Variants in SYT1 observed in about 807,000 individuals in gnomAD.
SYT1 encodes synaptotagmin-1.
In SYT1, 8 loss-of-function variants were observed where a neutral mutation model predicts 44.8. The ratio of observed to expected loss-of-function variants is 0.18; its 90% CI spans 0.10 to 0.32. SYT1 has a LOEUF of 0.32. SYT1 is among the 10% of genes least tolerant of loss of function. SYT1 has a pLI of 1.00. For synonymous variants in SYT1, 154 were observed against 188.8 expected (o/e 0.82, Z 1.51); for missense variants, 286 against 509.3 (o/e 0.56, Z 4.22).
intron 3 of SYT1, among the ~76,000 whole-genome samples, chr12:79,178,032 C>CAGAAAA (rs1872006935): frequency 6.6e-6 from 1 of 151,560 alleles, no homozygotes; most frequent in Non-Finnish European, 1.5e-5. Flanking sequence ...TTTTGCTGTG[C>CAGAAAA]AGAAGCTCTT....
intron 3 of SYT1, among the ~76,000 whole-genome samples, chr12:79,198,644 CT>C (rs1339643525): frequency 6.6e-6 from 1 of 152,078 alleles, no homozygotes; most frequent in Non-Finnish European, 1.5e-5. Context: ...TTGAACATTA[CT>C]TTTATATGAG....
At chr12:79,232,970 T>C (rs955817002) in intron 4 of SYT1, among the ~76,000 whole-genome samples, 22 of 152,320 alleles carry the variant, frequency 1.4e-4, no homozygotes, top group African/African-American at 5.1e-4. Context: ...CAATACATCT[T>C]TGCTTTTTCT....
chr12:79,166,851 C>CT (rs1487973806), intron 3 of SYT1, among the ~76,000 whole-genome samples: 12 of 151,988 alleles, frequency 7.9e-5, no homozygotes, highest in Non-Finnish European at 1.6e-4. Flanking sequence ...CTCAGTTTTG[C>CT]TAGCCATGTT....
chr12:79,205,406 C>T (rs956021334), intron 3 of SYT1, among the ~76,000 whole-genome samples: 68 of 152,308 alleles, frequency 4.5e-4, no homozygotes, highest in African/African-American at 1.5e-3. Flanking sequence ...AAAAATTCTA[C>T]ATTATTCAGT....
In SYT1 at chr12:79,449,962, A is replaced by ATTTGT. The variant is rs1870961382; in HGVS notation, c.*841_*845dup. 1 of 128,764 alleles carries ATTTGT rather than the reference A, an allele frequency of 7.8e-6. No individual in the cohort carries two copies. The highest frequency in any genetic ancestry group is 1.7e-5 in the Non-Finnish European group (1 of 58,240). The allele number at this position is 128,764 out of a possible 1,614,324, so 8.0% of individuals were successfully genotyped here. On this transcript the variant is annotated 3_prime_UTR_variant, in exon 11 of 11. Transcript: ENST00000261205. ...TGTGTGTGTGTGTGTGTGTGTGCAC[A>ATTTGT]TTTGTTTGGGGATGGGGGAGAAGAA...
At chr12:79,091,243 T>C (rs927362073) in intron 3 of SYT1, among the ~76,000 whole-genome samples, 2 of 151,952 alleles carry the variant, frequency 1.3e-5, no homozygotes, top group African/African-American at 2.4e-5. Context: ...GCTTTAGACA[T>C]TTTGAGATAA....
intron 9 of SYT1, among the ~76,000 whole-genome samples, chr12:79,428,549 CAG>C (rs775492668): frequency 9.9e-5 from 15 of 152,150 alleles, no homozygotes; most frequent in Non-Finnish European, 2.1e-4. Flanking sequence ...TACATACAGG[CAG>C]AGTGTCCTCA....
chr12:79,282,805 C>G (rs1879118382), intron 4 of SYT1, among the ~76,000 whole-genome samples: 1 of 151,892 alleles, frequency 6.6e-6, no homozygotes, highest in African/African-American at 2.4e-5. Context: ...TGCAGTGATA[C>G]TGAACAAAAC....
intron 2 of SYT1, among the ~76,000 whole-genome samples, chr12:79,002,417 A>G (rs1232928377): frequency 1.3e-5 from 2 of 152,074 alleles, no homozygotes; most frequent in African/African-American, 4.8e-5. Context: ...TGATTTCAAC[A>G]TGAAATATTC....
intron 3 of SYT1, among the ~76,000 whole-genome samples, chr12:79,097,380 T>C (rs1878196338): frequency 1.3e-5 from 2 of 152,004 alleles, no homozygotes; most frequent in African/African-American, 4.8e-5. Context: ...TTGGTTTAAA[T>C]AATTAAAATA....
At chr12:79,059,422 A>G (rs888279315) in intron 3 of SYT1, among the ~76,000 whole-genome samples, 5 of 152,236 alleles carry the variant, frequency 3.3e-5, no homozygotes, top group East Asian at 1.9e-4. Flanking sequence ...ATTCTTTTCA[A>G]TACCTCAAAT....
chr12:79,337,421 G>A (rs1030477150), intron 8 of SYT1, among the ~76,000 whole-genome samples: 4 of 152,120 alleles, frequency 2.6e-5, no homozygotes, highest in Non-Finnish European at 5.9e-5. Context: ...ATACTCTTTG[G>A]ATAGAACAAC....
intron 9 of SYT1, among the ~76,000 whole-genome samples, chr12:79,374,674 T>A (rs1883923165): frequency 6.6e-6 from 1 of 152,178 alleles, no homozygotes; most frequent in South Asian, 2.1e-4. Flanking sequence ...GGTAGCAGGA[T>A]GGCTGCTCAC....
chr12:79,086,260 G>GTA (rs1468122049), intron 3 of SYT1, among the ~76,000 whole-genome samples: 1 of 152,004 alleles, frequency 6.6e-6, no homozygotes, highest in Non-Finnish European at 1.5e-5. Flanking sequence ...AGGGAGCTGT[G>GTA]TATAGGTATA....
chr12:79,412,932 A>G (rs1868519083), intron 9 of SYT1, among the ~76,000 whole-genome samples: 1 of 152,120 alleles, frequency 6.6e-6, no homozygotes. Flanking sequence ...TTTGATCACT[A>G]CTGAAGTGGA....
At chr12:79,038,711 C>A (rs1829398383) in intron 2 of SYT1, among the ~76,000 whole-genome samples, 1 of 151,748 alleles carries the variant, frequency 6.6e-6, no homozygotes, top group Admixed American at 6.6e-5. Flanking sequence ...GAAATTTAAA[C>A]CTTAGGACTA....
chr12:79,018,208 G>A (rs1379542890), intron 2 of SYT1, among the ~76,000 whole-genome samples: 2 of 151,548 alleles, frequency 1.3e-5, no homozygotes, highest in Non-Finnish European at 2.9e-5. Context: ...CATGGATGAA[G>A]CTGGAAACCA....
chr12:79,001,415 T>C (rs1338528028), intron 2 of SYT1, among the ~76,000 whole-genome samples: 1 of 152,162 alleles, frequency 6.6e-6, no homozygotes. Flanking sequence ...AGTTTTCTCT[T>C]CCTTTAGGGC....
intron 2 of SYT1, among the ~76,000 whole-genome samples, chr12:79,044,314 C>T (rs538921176): frequency 0.014 from 2,088 of 152,228 alleles, 51 homozygotes; most frequent in African/African-American, 0.046. Context: ...TTCTTGGAAG[C>T]TTTGCTCATT....
Sources: gnomAD v4.1 joint callset for allele counts (sites outside exome capture counted in the v4.1 genomes callset) on GRCh38, gnomAD v4.1.1 for gene constraint, MANE v1.5 for transcripts, NCBI Gene and HGNC (gene_info 2026-07-23, HGNC 2026-07-21) for gene names.